The following PDE10A variants were observed in gnomAD, a reference collection of about 807,000 sequenced individuals.
PDE10A encodes the protein cAMP and cAMP-inhibited cGMP 3',5'-cyclic phosphodiesterase 10A.
In PDE10A, 39 loss-of-function variants were observed where a neutral mutation model predicts 97.7. The observed-to-expected ratio is 0.40, with a 90% CI of 0.31 to 0.52. The LOEUF is 0.52. Among genes scored for constraint, PDE10A ranks in the 20% least tolerant of loss-of-function variants. PDE10A has a pLI of 0.56. For missense variants in PDE10A, 731 were observed against 1,047.8 expected (o/e 0.70, Z 4.17); for synonymous variants, 371 against 376.8 (o/e 0.98, Z 0.18).
At chr6:165,895,124 G>A (rs973254812) in intron 1 of PDE10A, among the ~76,000 whole-genome samples, 5 of 152,296 alleles carry the variant, frequency 3.3e-5, no homozygotes, top group South Asian at 2.1e-4. Context: ...CTTGTTGAGG[G>A]TTGAATTTTG....
At position 165,722,881 on chromosome 6, in the gene PDE10A, TATACAC is replaced by T. The variant is rs1433232178; in HGVS notation, c.-614-179319_-614-179314del. Among the ~76,000 whole-genome samples, 19 of 145,800 alleles carry T rather than the reference TATACAC, an allele frequency of 1.3e-4. No homozygotes were observed. In the East Asian group the frequency reaches 3.5e-3, roughly 27 times the overall value. ...AATAAAATTTGTTCATATATATATA[TATACAC>T]ACACACACACACACATATACATATG... On this transcript the variant is annotated intron_variant, in intron 1 of 19. Transcript: ENST00000366882.
rs1035648440 is a variant in PDE10A at position 165,384,143 on chromosome 6, C to T, written c.2610+4155G>A. On this transcript the variant is annotated intron_variant, in intron 17 of 21. Coordinates refer to ENST00000539869, the MANE Select transcript of PDE10A (RefSeq NM_001385079.1). Reference sequence around the variant, plus strand: ...CATATTCAGACATATACTTGGAGGACGGATTTGGGACACAAACACTTGGAG... The same window carrying T: ...CATATTCAGACATATACTTGGAGGATGGATTTGGGACACAAACACTTGGAG... Among the ~76,000 whole-genome samples, 9 of 152,066 alleles carry T rather than the reference C, an allele frequency of 5.9e-5. No homozygotes were observed. In the East Asian group the frequency reaches 7.7e-4, roughly 13 times the overall value.
rs1779734458 is a variant in PDE10A at position 165,826,096 on chromosome 6, A to AG, written c.-615+161432dup. On this transcript the variant is annotated intron_variant, in intron 1 of 19. Coordinates refer to the PDE10A transcript ENST00000366882. ...GAACAGCTTTCTGTGTCCCAGCCTC[A>AG]GCTTGGACACTTCCTGCTTTTCTCC... Among the ~76,000 whole-genome samples, 4 of 152,338 alleles carry AG rather than the reference A, an allele frequency of 2.6e-5. No homozygotes were observed. In the South Asian group the frequency reaches 8.3e-4, roughly 32 times the overall value.
chr6:165,641,095 G>A (rs914813107), intron 1 of PDE10A, among the ~76,000 whole-genome samples: 2 of 152,190 alleles, frequency 1.3e-5, no homozygotes, highest in Non-Finnish European at 2.9e-5. Flanking sequence ...GACCACAGAA[G>A]AGGGATGGAC....
chr6:165,434,059 A>G (rs1257706639), intron 6 of PDE10A, among the ~76,000 whole-genome samples: 1 of 150,786 alleles, frequency 6.6e-6, no homozygotes, highest in Non-Finnish European at 1.5e-5. Context: ...AGGGAAATTG[A>G]ATGAATTAAT....
At chr6:165,375,598 G>T (rs1019760465) in intron 18 of PDE10A, among the ~76,000 whole-genome samples, 2 of 152,208 alleles carry the variant, frequency 1.3e-5, no homozygotes, top group African/African-American at 4.8e-5. Flanking sequence ...ACGGATGAAG[G>T]TGGCTCAACT....
rs534109011 is a variant in PDE10A, at chr6:165,703,834, G to A, written c.-614-160266C>T. 1.2e-4 allele frequency among the ~76,000 whole-genome samples: 19 copies of A among 152,236 alleles called. No individual in the cohort carries two copies. In the East Asian group the frequency reaches 2.3e-3, roughly 19 times the overall value. ...TATGGGACAGCCAGGGCCGACAGCC[G>A]CCTCCCCTTGTTCTCAAATCCTTTG... is the stretch of plus-strand genomic sequence containing the variant. On this transcript the variant is annotated intron_variant, in intron 1 of 19. Coordinates refer to the PDE10A transcript ENST00000366882.
At chr6:165,913,090 C>T (rs1782505548) in intron 1 of PDE10A, among the ~76,000 whole-genome samples, 1 of 152,174 alleles carries the variant, frequency 6.6e-6, no homozygotes, top group African/African-American at 2.4e-5. Context: ...TAAATTATTA[C>T]ATAAAACTAC....
chr6:165,628,029 G>A (rs1788465288), intron 1 of PDE10A, among the ~76,000 whole-genome samples: 2 of 152,148 alleles, frequency 1.3e-5, no homozygotes, highest in Admixed American at 1.3e-4. Flanking sequence ...GGTACATCAG[G>A]ATGACAAACA....
intron 1 of PDE10A, among the ~76,000 whole-genome samples, chr6:165,846,772 T>C (rs1027716810): frequency 5.9e-5 from 9 of 152,204 alleles, no homozygotes; most frequent in African/African-American, 2.2e-4. Flanking sequence ...CCGCAAGCCC[T>C]GTGGGAGTGA....
intron 1 of PDE10A, among the ~76,000 whole-genome samples, chr6:165,855,275 G>A (rs1322984538): frequency 3.4e-5 from 5 of 146,910 alleles, no homozygotes; most frequent in African/African-American, 1.3e-4. Flanking sequence ...ACCAGCCTTC[G>A]AGGGGACTCA....
intron 1 of PDE10A, among the ~76,000 whole-genome samples, chr6:165,967,596 C>T (rs557416701): frequency 6.6e-6 from 1 of 152,282 alleles, no homozygotes; most frequent in Non-Finnish European, 1.5e-5. Flanking sequence ...ACAAATACTG[C>T]ATAAGGAAAA....
intron 1 of PDE10A, chr6:165,773,093 TACTTATTCCTACTCCA>T (rs1197891235): frequency 6.6e-6 from 1 of 152,260 alleles, no homozygotes; most frequent in Admixed American, 6.5e-5. Context: ...AAAGAGCTTT[TACTTATTCCTACTCCA>T]ACAGCACAAA....
chr6:165,377,404 A>G (rs957100572), intron 18 of PDE10A, among the ~76,000 whole-genome samples: 1 of 152,158 alleles, frequency 6.6e-6, no homozygotes, highest in Non-Finnish European at 1.5e-5. Flanking sequence ...AATTATTAAA[A>G]CAAACATGCA....
At chr6:165,984,007 G>T (rs1228417679) in intron 1 of PDE10A, among the ~76,000 whole-genome samples, 1 of 152,236 alleles carries the variant, frequency 6.6e-6, no homozygotes, top group Non-Finnish European at 1.5e-5. Context: ...ATGGGCCATG[G>T]TTTCCATTTC....
chr6:165,329,421 A>G lies in PDE10A; in HGVS notation c.*3604T>C, dbSNP rs1484667551. On this transcript the variant is annotated 3_prime_UTR_variant, in exon 22 of 22. Transcript: ENST00000539869. ...GCAAGAAAAGCAAAATAATAAATAC[A>G]TGAATGAAGAAGTAAAATTGCAGTA... 1 of 152,264 alleles carries G rather than the reference A, an allele frequency of 6.6e-6. No homozygotes were observed. The highest frequency in any genetic ancestry group is 2.4e-5 in the African/African-American group (1 of 41,472). The allele number at this position is 152,264 out of a possible 1,614,324, so 9.4% of individuals were successfully genotyped here.
At chr6:165,774,346 AC>A (rs1778100789) in intron 1 of PDE10A, among the ~76,000 whole-genome samples, 1 of 151,808 alleles carries the variant, frequency 6.6e-6, no homozygotes, top group East Asian at 1.9e-4. Flanking sequence ...ACAGGAGAAA[AC>A]AAATTGCAGG....
chr6:165,619,094 G>A lies in PDE10A; in HGVS notation c.865+42853C>T, dbSNP rs190401577. On this transcript the variant is annotated intron_variant, in intron 1 of 21. Transcript: ENST00000539869. ...GTAGTGTAGTCTAGTGTAGTCTAGTGTAGTGTAGTCTAGTGTAGTGTAGTC... is the reference window on the plus strand; with the variant it reads ...GTAGTGTAGTCTAGTGTAGTCTAGTATAGTGTAGTCTAGTGTAGTGTAGTC... 1.2e-3 allele frequency among the ~76,000 whole-genome samples: 177 copies of A among 142,672 alleles called. 1 individual carries two copies. The highest frequency in any genetic ancestry group is 4.7e-3 in the African/African-American group (174 of 36,688). 93.6% of individuals were successfully genotyped at this position (142,672 alleles called of 152,430 possible). A position where few individuals can be genotyped will look rare whatever the true frequency, so the allele number is the denominator to read the frequency against.
At chr6:165,710,294 G>A (rs1791862291) in intron 1 of PDE10A, among the ~76,000 whole-genome samples, 1 of 152,108 alleles carries the variant, frequency 6.6e-6, no homozygotes, top group African/African-American at 2.4e-5. Flanking sequence ...GCATTACTAG[G>A]ACAAAGCTAC....
Sources: gnomAD v4.1 joint callset for allele counts (sites outside exome capture counted in the v4.1 genomes callset) on GRCh38, gnomAD v4.1.1 for gene constraint, MANE v1.5 for transcripts, NCBI Gene and HGNC (gene_info 2026-07-23, HGNC 2026-07-21) for gene names.